ELFN2: variants seen among roughly 807,000 people sequenced by gnomAD.
The protein encoded by ELFN2 is extracellular leucine rich repeat and fibronectin type III domain containing 2.
ELFN2 carries 17 observed loss-of-function variants against 45.5 expected under a neutral mutation model. The observed-to-expected ratio is 0.37, with a 90% CI of 0.26 to 0.56. The LOEUF is 0.56. Among genes scored for constraint, ELFN2 ranks in the 20% least tolerant of loss-of-function variants. The pLI, the probability that ELFN2 is intolerant of heterozygous loss-of-function variation, is 0.77. For synonymous variants in ELFN2, 550 were observed against 551.5 expected (o/e 1.00, Z 0.04); for missense variants, 922 against 1,183.2 (o/e 0.78, Z 3.24).
intron 1 of ELFN2, among the ~76,000 whole-genome samples, chr22:37,350,125 G>A (rs1930788706): frequency 6.6e-6 from 1 of 150,938 alleles, no homozygotes; most frequent in Admixed American, 6.6e-5. Flanking sequence ...TGTCGGAGAA[G>A]GGAACCCCAC....
At chr22:37,402,551 A>C (rs1024401675) in intron 2 of ELFN2, among the ~76,000 whole-genome samples, 1 of 152,178 alleles carries the variant, frequency 6.6e-6, no homozygotes, top group South Asian at 2.1e-4. Flanking sequence ...ACCGATAAGG[A>C]AACCGAGGCT....
At chr22:37,415,641 G>C (rs1279440472) in intron 2 of ELFN2, among the ~76,000 whole-genome samples, 1 of 152,210 alleles carries the variant, frequency 6.6e-6, no homozygotes, top group Non-Finnish European at 1.5e-5. Context: ...ACGCGTGTCA[G>C]GAAATCATTT....
intron 1 of ELFN2, among the ~76,000 whole-genome samples, chr22:37,359,555 G>A (rs1931030908): frequency 1.3e-5 from 2 of 152,244 alleles, no homozygotes; most frequent in South Asian, 2.1e-4. Context: ...CCCTACCTGG[G>A]CCAGGCCACG....
chr22:37,389,781 A>G (rs1195462987), intron 2 of ELFN2, among the ~76,000 whole-genome samples: 1 of 152,094 alleles, frequency 6.6e-6, no homozygotes, highest in South Asian at 2.1e-4. Flanking sequence ...ACCTGAGGAC[A>G]GGACCCCATC....
At chr22:37,377,394 A>G (rs934955362) in intron 2 of ELFN2, among the ~76,000 whole-genome samples, 1 of 152,212 alleles carries the variant, frequency 6.6e-6, no homozygotes, top group African/African-American at 2.4e-5. Flanking sequence ...CCACGTTTGG[A>G]CACAGAAAGC....
At position 37,373,022 on chromosome 22, in the gene ELFN2, A is replaced by G. The variant is rs1931420084; in HGVS notation, c.*50T>C. On this transcript the variant is annotated 3_prime_UTR_variant, in exon 3 of 3. Coordinates refer to ENST00000402918, the MANE Select transcript of ELFN2 (RefSeq NM_052906.5). ...CCTGGCCGCCTGGACCCTTCCCCCA[A>G]AAGGCCCCCAGCCCTCTGGCTCCGA... 1 of 1,528,736 alleles carries G rather than the reference A, an allele frequency of 6.5e-7. No individual in the cohort carries two copies. The highest frequency in any genetic ancestry group is 1.4e-5 in the African/African-American group (1 of 72,578). The allele number at this position is 1,528,736 out of a possible 1,614,324, so 94.7% of individuals were successfully genotyped here. A position where few individuals can be genotyped will look rare whatever the true frequency, so the allele number is the denominator to read the frequency against.
At chr22:37,421,499 C>A (rs916674596) in intron 1 of ELFN2, among the ~76,000 whole-genome samples, 1 of 152,196 alleles carries the variant, frequency 6.6e-6, no homozygotes, top group Non-Finnish European at 1.5e-5. Flanking sequence ...ACAAGAATCA[C>A]CTGTCAAGCA....
At chr22:37,402,177 C>CGGTT (rs1233990379) in intron 2 of ELFN2, among the ~76,000 whole-genome samples, 3 of 152,246 alleles carry the variant, frequency 2.0e-5, no homozygotes, top group Non-Finnish European at 4.4e-5. Context: ...TTAGTTGTCT[C>CGGTT]TGGCACAGAG....
At chr22:37,397,630 A>G (rs1169863247) in intron 2 of ELFN2, among the ~76,000 whole-genome samples, 1 of 152,128 alleles carries the variant, frequency 6.6e-6, no homozygotes, top group African/African-American at 2.4e-5. Context: ...GCCTTGTGGG[A>G]GCCCCGCGTG....
At chr22:37,351,644 T>C (rs1930824006) in intron 1 of ELFN2, among the ~76,000 whole-genome samples, 1 of 150,072 alleles carries the variant, frequency 6.7e-6, no homozygotes, top group South Asian at 2.1e-4. Flanking sequence ...AGCACTGGGC[T>C]GGGACTCGAG....
chr22:37,373,012 C>G lies in ELFN2; in HGVS notation c.*60G>C. On this transcript the variant is annotated 3_prime_UTR_variant, in exon 3 of 3. Transcript: ENST00000402918. ...TGCTCCCCGCCCTGGCCGCCTGGAC[C>G]CTTCCCCCAAAAGGCCCCCAGCCCT... 1 of 1,525,042 alleles carries G rather than the reference C, an allele frequency of 6.6e-7. No homozygotes were observed. The highest frequency in any genetic ancestry group is 8.8e-7 in the Non-Finnish European group (1 of 1,137,942). The allele number at this position is 1,525,042 out of a possible 1,614,324, so 94.5% of individuals were successfully genotyped here. A position where few individuals can be genotyped will look rare whatever the true frequency, so the allele number is the denominator to read the frequency against.
chr22:37,385,246 C>T (rs2145651129), intron 2 of ELFN2: 1 of 152,374 alleles, frequency 6.6e-6, no homozygotes, highest in East Asian at 1.9e-4. Flanking sequence ...CTCATTTAAT[C>T]CTGAGCCAAC....
At chr22:37,348,227 G>C (rs1165066743) in intron 1 of ELFN2, among the ~76,000 whole-genome samples, 1 of 152,120 alleles carries the variant, frequency 6.6e-6, no homozygotes, top group Non-Finnish European at 1.5e-5. Flanking sequence ...GCTGGGGAAG[G>C]AGGAGAGCAG....
intron 1 of ELFN2, among the ~76,000 whole-genome samples, chr22:37,344,355 A>G (rs893136663): frequency 2.0e-5 from 3 of 151,386 alleles, no homozygotes; most frequent in African/African-American, 7.3e-5. Context: ...TCCTACACTC[A>G]CACACAAATC....
chr22:37,424,629 C>T (rs1419652539), intron 1 of ELFN2, among the ~76,000 whole-genome samples: 5 of 151,714 alleles, frequency 3.3e-5, no homozygotes, highest in Admixed American at 3.3e-4. Flanking sequence ...AGGTACCCCT[C>T]GAGAAGGGGC....
At position 37,373,417 on chromosome 22, in the gene ELFN2, G is replaced by A. The variant is rs755839172; in HGVS notation, c.2118C>T (p.Ser706=). The A allele has an allele frequency of 2.4e-5, 38 of 1,580,256 alleles. No individual in the cohort carries two copies. Among genetic ancestry groups the A allele is most frequent in the Middle Eastern group, 1.7e-4 (1 of 5,852 alleles). ...GGGCGGGAAAGCTGTGCCGGTGCTC[G>A]CTGCAGTGGTAGGCCGGCTTCACCT... ...HLEVKPAYHC[S]EHRHSFPALY... Residue 706 remains serine, a synonymous_variant, in exon 3 of 3, where the codon AGC becomes AGT. Coordinates refer to ENST00000402918, the MANE Select transcript of ELFN2 (RefSeq NM_052906.5).
chr22:37,365,859 C>T (rs549007480), downstream of ELFN2, among the ~76,000 whole-genome samples: 204 of 152,202 alleles, frequency 1.3e-3, no homozygotes, highest in African/African-American at 4.4e-3. Flanking sequence ...ACGTTTATGC[C>T]ATGAAAGTTC....
intron 2 of ELFN2, among the ~76,000 whole-genome samples, chr22:37,383,051 C>T (rs1931832710): frequency 6.6e-6 from 1 of 152,218 alleles, no homozygotes; most frequent in Non-Finnish European, 1.5e-5. Flanking sequence ...GCACCACGTC[C>T]TCTACCTGCT....
chr22:37,393,333 C>G (rs1932130273), intron 2 of ELFN2, among the ~76,000 whole-genome samples: 1 of 152,256 alleles, frequency 6.6e-6, no homozygotes, highest in South Asian at 2.1e-4. Context: ...CATCAACAGC[C>G]TCCACTCGCA....
Sources: gnomAD v4.1 joint callset for allele counts (sites outside exome capture counted in the v4.1 genomes callset) on GRCh38, gnomAD v4.1.1 for gene constraint, MANE v1.5 for transcripts, NCBI Gene and HGNC (gene_info 2026-07-23, HGNC 2026-07-21) for gene names.